Variants in ZNF717 observed in about 807,000 individuals in gnomAD.
The protein encoded by ZNF717 is krueppel-like factor X17.
A neutral mutation model predicts 13.8 loss-of-function variants in ZNF717; 9 were observed. The ratio of observed to expected loss-of-function variants is 0.65; its 90% CI spans 0.39 to 1.14. ZNF717 has a LOEUF of 1.14. Ranked by LOEUF, ZNF717 falls within the 50% of genes most tolerant of loss-of-function variation. The pLI, the probability that ZNF717 is intolerant of heterozygous loss-of-function variation, is 0.01. For synonymous variants in ZNF717, 327 were observed against 364.1 expected (o/e 0.90, Z 1.16); for missense variants, 1,040 against 1,080.7 (o/e 0.96, Z 0.53).
downstream of ZNF717, among the ~76,000 whole-genome samples, chr3:75,734,795 TTATATATA>T (rs1295066161): frequency 5.9e-5 from 5 of 85,438 alleles, no homozygotes; most frequent in East Asian, 7.0e-4. Flanking sequence ...ATGTATGCAA[TTATATATA>T]TATATATATA....
At chr3:75,723,538 A>G (rs796999296) in intron 4 of ZNF717, among the ~76,000 whole-genome samples, 1 of 152,268 alleles carries the variant, frequency 6.6e-6, no homozygotes, top group Non-Finnish European at 1.5e-5. Context: ...AGTTTGTAGC[A>G]TTACTCTTTA....
chr3:75,758,164 T>G (rs536104068), intron 2 of ZNF717, among the ~76,000 whole-genome samples: 1 of 150,502 alleles, frequency 6.6e-6, no homozygotes, highest in African/African-American at 2.4e-5. Flanking sequence ...TCAAGATTAT[T>G]CCAACCCTCA....
chr3:75,753,214 TC>T (rs1942078814), intron 2 of ZNF717, among the ~76,000 whole-genome samples: 1 of 151,898 alleles, frequency 6.6e-6, no homozygotes, highest in African/African-American at 2.4e-5. Flanking sequence ...TGAATGTTTG[TC>T]CCTCACATGG....
intron 5 of ZNF717, among the ~76,000 whole-genome samples, chr3:75,712,897 T>A (rs1478268634): frequency 6.6e-6 from 1 of 151,396 alleles, no homozygotes; most frequent in Non-Finnish European, 1.5e-5. Flanking sequence ...TCTTATACAT[T>A]TTTTCTTATT....
chr3:75,780,482 G>A (rs1044306493), intron 2 of ZNF717, among the ~76,000 whole-genome samples: 3 of 152,140 alleles, frequency 2.0e-5, no homozygotes, highest in African/African-American at 7.2e-5. Flanking sequence ...TTGGCTCATT[G>A]CAAGTTCCGC....
chr3:75,747,344 C>T (rs1443653805), intron 2 of ZNF717, among the ~76,000 whole-genome samples: 6 of 152,262 alleles, frequency 3.9e-5, no homozygotes, highest in Admixed American at 3.3e-4. Context: ...GCAATGTGGG[C>T]TCTTTTTTGG....
intron 2 of ZNF717, among the ~76,000 whole-genome samples, chr3:75,767,127 G>A (rs1237419278): frequency 1.3e-5 from 2 of 152,234 alleles, no homozygotes; most frequent in Non-Finnish European, 2.9e-5. Flanking sequence ...CCAGGAGAAA[G>A]CCAGTCACCA....
intron 2 of ZNF717, among the ~76,000 whole-genome samples, chr3:75,747,494 A>G (rs1941287782): frequency 6.6e-6 from 1 of 152,178 alleles, no homozygotes; most frequent in Non-Finnish European, 1.5e-5. Context: ...ATCCATGAGC[A>G]TGCAATGTTC....
intron 2 of ZNF717, among the ~76,000 whole-genome samples, chr3:75,756,832 G>A (rs1174326685): frequency 3.9e-5 from 6 of 152,038 alleles, no homozygotes; most frequent in African/African-American, 1.2e-4. Flanking sequence ...GCGCCACCAC[G>A]CCCGGCTAAT....
intron 2 of ZNF717, among the ~76,000 whole-genome samples, chr3:75,759,090 G>A (rs532653206): frequency 6.0e-4 from 92 of 152,294 alleles, no homozygotes; most frequent in Non-Finnish European, 9.4e-4. Flanking sequence ...ATATGCTGTT[G>A]CACACTTTAT....
intron 2 of ZNF717, among the ~76,000 whole-genome samples, chr3:75,747,015 T>C (rs4677587): frequency 0.74 from 112,205 of 151,794 alleles, 41,950 homozygotes; most frequent in East Asian, 0.8. Context: ...TTTAAGTCTT[T>C]AATCCATGTT....
downstream of ZNF717, among the ~76,000 whole-genome samples, chr3:75,707,929 A>C (rs1344291089): frequency 1.3e-5 from 2 of 152,280 alleles, no homozygotes; most frequent in Non-Finnish European, 2.9e-5. Context: ...CCCAGGCTTG[A>C]TTAGGTAAAC....
At position 75,740,859 on chromosome 3, in the gene ZNF717, T is replaced by C. The variant is rs866231946; in HGVS notation, c.277+417A>G. Among the ~76,000 whole-genome samples, 1,135 of 148,488 alleles carry C rather than the reference T, an allele frequency of 7.6e-3. 14 individuals are homozygous for C. The highest frequency in any genetic ancestry group is 0.027 in the African/African-American group (1,077 of 40,576). On this transcript the variant is annotated intron_variant, in intron 4 of 4. Transcript: ENST00000652011. Reference sequence around the variant, plus strand: ...ATAAAAAATAAAACAAGAATAAAGCTATAGCTTAAAAAGAAACACCATTTT... The same window carrying C: ...ATAAAAAATAAAACAAGAATAAAGCCATAGCTTAAAAAGAAACACCATTTT...
chr3:75,722,586 G>A (rs77914281), intron 4 of ZNF717, among the ~76,000 whole-genome samples: 7 of 151,676 alleles, frequency 4.6e-5, no homozygotes, highest in Non-Finnish European at 7.4e-5. Flanking sequence ...AGGCTGAGGC[G>A]GGCGGATCAC....
At chr3:75,751,377 G>T (rs1434440908) in intron 2 of ZNF717, among the ~76,000 whole-genome samples, 2 of 151,034 alleles carry the variant, frequency 1.3e-5, no homozygotes, top group African/African-American at 4.9e-5. Flanking sequence ...CCTCACATAG[G>T]ATTCCAGAAC....
Position 75,782,631 on chromosome 3 carries a change from C to T in ZNF717, c.57+675G>A, listed in dbSNP as rs200941081. ...CCTTATGATGGAAGCTGTGCTTTAG[C>T]GGCAGATGACCATTTCCACTGCACA... On this transcript the variant is annotated intron_variant, in intron 2 of 4. Transcript: ENST00000652011. Among the ~76,000 whole-genome samples, 9 of 151,744 alleles carry T rather than the reference C, an allele frequency of 5.9e-5. No individual in the cohort carries two copies. The South Asian group carries it at 1.5e-3, about 25-fold the overall frequency.
chr3:75,736,320 C>G lies in ZNF717; in HGVS notation c.*558G>C, dbSNP rs200061619. On this transcript the variant is annotated 3_prime_UTR_variant, in exon 5 of 5. Coordinates refer to ENST00000652011, the MANE Select transcript of ZNF717 (RefSeq NM_001290208.3). ...TCACTTCAAATCAAAAGGTAGAAAT[C>G]ATCGAGCTTAGTGAAGAAAGCATGT... 1 of 154,140 alleles carries G rather than the reference C, an allele frequency of 6.5e-6. No homozygotes were observed. The highest frequency in any genetic ancestry group is 2.4e-5 in the African/African-American group (1 of 41,474). The allele number at this position is 154,140 out of a possible 1,614,324, so 9.5% of individuals were successfully genotyped here.
Position 75,784,052 on chromosome 3 carries a change from T to C in ZNF717, c.-2-688A>G, listed in dbSNP as rs557730617. ...CAAATATCCATTGGTTCTTGCCTTT[T>C]TGGACACAGTCATATTGTGAGGAGG... On this transcript the variant is annotated intron_variant, in intron 1 of 4. Coordinates refer to ENST00000652011, the MANE Select transcript of ZNF717 (RefSeq NM_001290208.3). Among the ~76,000 whole-genome samples, 7 of 152,324 alleles carry C rather than the reference T, an allele frequency of 4.6e-5. No individual in the cohort carries two copies. In the South Asian group the frequency reaches 1.4e-3, roughly 32 times the overall value.
chr3:75,704,322 C>A (rs1243460283), intron 6 of ZNF717, among the ~76,000 whole-genome samples: 1 of 152,430 alleles, frequency 6.6e-6, no homozygotes, highest in Non-Finnish European at 1.5e-5. Flanking sequence ...TGTATCAGGA[C>A]CCTCTTTTCC....
Sources: allele counts gnomAD v4.1 joint callset (sites outside exome capture counted in the v4.1 genomes callset), GRCh38; gene constraint gnomAD v4.1.1; transcripts MANE v1.5; gene names NCBI Gene and HGNC (gene_info 2026-07-23, HGNC 2026-07-21).